Variants in ELL observed in about 807,000 individuals in gnomAD.
ELL encodes RNA polymerase II elongation factor ELL.
ELL carries 18 observed loss-of-function variants against 64.0 expected under a neutral mutation model. That is an observed-to-expected ratio of 0.28 (90% confidence interval 0.19 to 0.42). ELL has a LOEUF of 0.42. ELL is among the 10% of genes least tolerant of loss of function. The pLI, the probability that ELL is intolerant of heterozygous loss-of-function variation, is 1.00. For synonymous variants in ELL, 399 were observed against 376.2 expected, an observed-to-expected ratio of 1.06 and a Z score of -0.70; for missense variants, 797 against 870.4, an observed-to-expected ratio of 0.92 and a Z score of 1.06.
intron 2 of ELL, among the ~76,000 whole-genome samples, chr19:18,467,562 A>C (rs1234552835): frequency 6.6e-6 from 1 of 151,750 alleles, no homozygotes; most frequent in Non-Finnish European, 1.5e-5. Flanking sequence ...CGGAGAAATC[A>C]CACACATATA....
chr19:18,452,701 G>C (rs1974565133), intron 6 of ELL, among the ~76,000 whole-genome samples: 1 of 152,224 alleles, frequency 6.6e-6, no homozygotes, highest in South Asian at 2.1e-4. Context: ...AGTGAGCCCA[G>C]GGCTGTCAGG....
At position 18,445,254 on chromosome 19, in the gene ELL, C is replaced by A. The variant is rs1161100075; in HGVS notation, c.1719G>T (p.Gln573His). ...TGATTTTTCGATATTCCTGCAAAATCTGCCCTCGAGTAGTCTAGAAGAAAA... is the reference window on the plus strand; with the variant it reads ...TGATTTTTCGATATTCCTGCAAAATATGCCCTCGAGTAGTCTAGAAGAAAA... ...GSEEYETTRGQILQEYRKIKK... is the reference protein window; with the variant it reads ...GSEEYETTRGHILQEYRKIKK... Residue 573 changes from glutamine to histidine, a missense_variant, in exon 11 of 12, where the codon CAG (glutamine) becomes CAT (histidine). By Grantham distance (24) the Gln-to-His change is conservative. Transcript: ENST00000262809. The A allele has an allele frequency of 1.9e-6, 3 of 1,613,914 alleles. No individual in the cohort carries two copies. Among genetic ancestry groups the A allele is most frequent in the Admixed American group, 3.3e-5 (2 of 59,996 alleles).
In ELL at chr19:18,521,909, C is replaced by G; in HGVS notation, c.135+12G>C. On this transcript the variant is annotated intron_variant, in intron 1 of 11. Coordinates refer to ENST00000262809, the MANE Select transcript of ELL (RefSeq NM_006532.4). Reference sequence around the variant, plus strand: ...CGTTCCCCACTGGCGCGCCGGGCGCCATGCCACTCACCTGTCTGGCGCGGT... The same window carrying G: ...CGTTCCCCACTGGCGCGCCGGGCGCGATGCCACTCACCTGTCTGGCGCGGT... 2.5e-6 allele frequency: 4 copies of G among 1,577,366 alleles called. No individual in the cohort carries two copies. The highest frequency in any genetic ancestry group is 3.4e-6 in the Non-Finnish European group (4 of 1,162,066).
chr19:18,469,364 C>T (rs1414502314), intron 2 of ELL, among the ~76,000 whole-genome samples: 1 of 152,216 alleles, frequency 6.6e-6, no homozygotes, highest in Non-Finnish European at 1.5e-5. Flanking sequence ...AGCCCGGGAC[C>T]GTGGGGAAGC....
chr19:18,487,800 G>A (rs1337977748), intron 1 of ELL, among the ~76,000 whole-genome samples: 1 of 152,198 alleles, frequency 6.6e-6, no homozygotes, highest in Non-Finnish European at 1.5e-5. Context: ...TCGGAACAAC[G>A]GGATCTTCTA....
chr19:18,456,247 A>T (rs541967127), intron 6 of ELL, among the ~76,000 whole-genome samples: 22 of 152,354 alleles, frequency 1.4e-4, no homozygotes, highest in African/African-American at 5.3e-4. Context: ...GCAAGTTTTC[A>T]GCCTGCGGGG....
At chr19:18,514,654 C>T (rs531552613) in intron 1 of ELL, among the ~76,000 whole-genome samples, 1 of 152,236 alleles carries the variant, frequency 6.6e-6, no homozygotes, top group African/African-American at 2.4e-5. Flanking sequence ...GCTGACTACA[C>T]AGGTGAGATT....
rs927369660 is a variant in ELL, at chr19:18,461,450, T to A, written c.744+128A>T. 4.9e-6 allele frequency: 7 copies of A among 1,430,794 alleles called. 1 individual carries two copies. In the Middle Eastern group the frequency reaches 1.0e-3, roughly 212 times the overall value. The allele number at this position is 1,430,794 out of a possible 1,614,324, so 88.6% of individuals were successfully genotyped here. Reference sequence around the variant, plus strand: ...GGCTCTCAGGCAGGTTCTGAACCTGTGAGAGACCCCAGGAAGGGCTCTTCC... The same window carrying A: ...GGCTCTCAGGCAGGTTCTGAACCTGAGAGAGACCCCAGGAAGGGCTCTTCC... On this transcript the variant is annotated intron_variant, in intron 5 of 11. Coordinates refer to ENST00000262809, the MANE Select transcript of ELL (RefSeq NM_006532.4).
chr19:18,505,097 G>A (rs576596710), intron 1 of ELL, among the ~76,000 whole-genome samples: 14 of 152,302 alleles, frequency 9.2e-5, no homozygotes, highest in African/African-American at 2.9e-4. Flanking sequence ...AGGCGACTGA[G>A]AACGATGGGC....
Position 18,501,034 on chromosome 19 carries a change from G to A in ELL, c.135+20887C>T, listed in dbSNP as rs1975770276. Among the ~76,000 whole-genome samples the A allele has an allele frequency of 6.6e-6, 1 of 152,024 alleles. No individual in the cohort carries two copies. The highest frequency in any genetic ancestry group is 1.5e-5 in the Non-Finnish European group (1 of 68,004). Reference sequence around the variant, plus strand: ...GCCAACCTCCAACCACCGAACTTGGGCCAAAACTCACAGCAGGAGAGGCAA... The same window carrying A: ...GCCAACCTCCAACCACCGAACTTGGACCAAAACTCACAGCAGGAGAGGCAA... On this transcript the variant is annotated intron_variant, in intron 1 of 11. Coordinates refer to ENST00000262809, the MANE Select transcript of ELL (RefSeq NM_006532.4). The surrounding 1 kb of genome is among the most constrained non-coding windows in gnomAD (Gnocchi z 4.5).
intron 1 of ELL, among the ~76,000 whole-genome samples, chr19:18,491,799 C>A (rs1568392512): frequency 1.3e-5 from 2 of 152,000 alleles, no homozygotes; most frequent in Non-Finnish European, 2.9e-5. Flanking sequence ...CACCTGTGGT[C>A]CCAGCTATGC....
At position 18,465,789 on chromosome 19, in the gene ELL, C is replaced by T. The variant is rs549915000; in HGVS notation, c.305+8G>A. On this transcript the variant is annotated splice_region_variant and intron_variant, in intron 3 of 11. Coordinates refer to ENST00000262809, the MANE Select transcript of ELL (RefSeq NM_006532.4). ...GGCGGGGTGCTCTGGGGTGGGGCGGCGCCTCACCTGGAGACATACTGCTGG... is the reference window on the plus strand; with the variant it reads ...GGCGGGGTGCTCTGGGGTGGGGCGGTGCCTCACCTGGAGACATACTGCTGG... The T allele has an allele frequency of 3.0e-5, 43 of 1,415,274 alleles. No homozygotes were observed. The South Asian group carries it at 3.1e-4, about 10-fold the overall frequency. 87.7% of individuals were successfully genotyped at this position (1,415,274 alleles called of 1,614,324 possible). A position where few individuals can be genotyped will look rare whatever the true frequency, so the allele number is the denominator to read the frequency against.
chr19:18,451,502 G>A, intron 7 of ELL, 50 bp downstream of exon 7: 1 of 1,385,432 alleles, frequency 7.2e-7, no homozygotes, highest in Non-Finnish European at 9.5e-7. Flanking sequence ...ATGCAGCACA[G>A]AGTGCCCTGC....
intron 1 of ELL, among the ~76,000 whole-genome samples, chr19:18,474,956 T>C (rs1975146407): frequency 6.6e-6 from 1 of 152,218 alleles, no homozygotes; most frequent in African/African-American, 2.4e-5. Context: ...AACCCCCATC[T>C]GTACTAAAAA....
At chr19:18,498,591 C>T (rs563904827) in intron 1 of ELL, among the ~76,000 whole-genome samples, 23 of 152,184 alleles carry the variant, frequency 1.5e-4, no homozygotes, top group Non-Finnish European at 2.8e-4. Context: ...CTGTGAGACC[C>T]TCCCCAATGA....
chr19:18,487,528 A>G (rs1290261484), intron 1 of ELL, among the ~76,000 whole-genome samples: 2 of 152,192 alleles, frequency 1.3e-5, no homozygotes, highest in African/African-American at 4.8e-5. Context: ...AAACCAGCCC[A>G]CTTTTAACTT....
At chr19:18,483,061 G>A (rs1199909163) in intron 1 of ELL, among the ~76,000 whole-genome samples, 7 of 152,054 alleles carry the variant, frequency 4.6e-5, no homozygotes, top group South Asian at 2.1e-4. Flanking sequence ...GATTATAAGC[G>A]TGAGCCATCA....
At chr19:18,483,139 T>G (rs1019044567) in intron 1 of ELL, among the ~76,000 whole-genome samples, 10 of 151,938 alleles carry the variant, frequency 6.6e-5, no homozygotes, top group African/African-American at 2.4e-4. Context: ...CTTTACCAAC[T>G]CCCCTCTCCC....
At chr19:18,475,943 ACGG>A (rs1975166498) in intron 1 of ELL, 2 of 152,246 alleles carry the variant, frequency 1.3e-5, no homozygotes, top group Admixed American at 1.3e-4. Flanking sequence ...TCTGGAACAG[ACGG>A]AGGAGAGTCC....
Sources: gnomAD v4.1 joint callset for allele counts (sites outside exome capture counted in the v4.1 genomes callset) on GRCh38, gnomAD v4.1.1 for gene constraint, Gnocchi (gnomAD v3.1) non-coding constraint, MANE v1.5 for transcripts, NCBI Gene and HGNC (gene_info 2026-07-23, HGNC 2026-07-21) for gene names.